The following RTN4 variants were observed in gnomAD, a reference collection of about 807,000 sequenced individuals.
RTN4 encodes the protein reticulon 4, also known as reticulon-4.
Under a neutral mutation model 90.4 loss-of-function variants are expected in RTN4, and 32 were observed. That is an observed-to-expected ratio of 0.35 (90% CI 0.27 to 0.48). The LOEUF (loss-of-function observed/expected upper bound fraction) is 0.48. Among genes scored for constraint, RTN4 ranks in the 20% least tolerant of loss-of-function variants. The pLI, the probability that RTN4 is intolerant of heterozygous loss-of-function variation, is 0.99. For synonymous variants in RTN4, 629 were observed against 552.5 expected (o/e 1.14, Z -1.94); for missense variants, 1,706 against 1,430.2 (o/e 1.19, Z -3.11).
At chr2:55,120,270 A>G in the RTN4 span, among the ~76,000 whole-genome samples, 1 of 152,182 alleles carries the variant, frequency 6.6e-6, no homozygotes. Flanking sequence ...TGCCCCCCTC[A>G]CTTTAGCTCT....
chr2:55,119,460 G>C, the RTN4 span, among the ~76,000 whole-genome samples: 4 of 152,334 alleles, frequency 2.6e-5, no homozygotes, highest in East Asian at 5.8e-4. Flanking sequence ...CAGAGAGCTC[G>C]TGTGATAGCT....
At chr2:55,077,448 T>C (rs1284294367) in intron 2 of RTN4, among the ~76,000 whole-genome samples, 1 of 151,898 alleles carries the variant, frequency 6.6e-6, no homozygotes. Context: ...ATGGCCATAA[T>C]CAAAAAATCA....
intron 2 of RTN4, among the ~76,000 whole-genome samples, chr2:55,057,687 G>T (rs1668213960): frequency 6.6e-6 from 1 of 152,118 alleles, no homozygotes; most frequent in South Asian, 2.1e-4. Context: ...AAGAGGATGG[G>T]TACTAAGAGT....
At chr2:54,988,268 G>A (rs539775358) in intron 3 of RTN4, among the ~76,000 whole-genome samples, 1 of 152,314 alleles carries the variant, frequency 6.6e-6, no homozygotes, top group South Asian at 2.1e-4. Context: ...AGTGAGCCGA[G>A]ACTGCACCTC....
At chr2:55,121,398 T>C in the RTN4 span, among the ~76,000 whole-genome samples, 2 of 152,214 alleles carry the variant, frequency 1.3e-5, no homozygotes, top group African/African-American at 2.4e-5. Flanking sequence ...AGAGATACTG[T>C]GAAGTTTGGG....
intron 3 of RTN4, 72 bp downstream of exon 3, chr2:55,025,014 C>G (rs139724620): frequency 6.7e-7 from 1 of 1,498,390 alleles, no homozygotes; most frequent in Non-Finnish European, 8.9e-7. Context: ...ATATAAAACA[C>G]AAAATGTAGT....
chr2:54,973,876 G>A lies in RTN4; in HGVS notation c.3431-9C>T, dbSNP rs745646538. The A allele has an allele frequency of 1.9e-6, 3 of 1,609,308 alleles. No homozygotes were observed. ...GAAGAGTGAAATGAGAGCTGAAAAGGGAAATATACAACTTTTCAAAAAGAA... is the reference window on the plus strand; with the variant it reads ...GAAGAGTGAAATGAGAGCTGAAAAGAGAAATATACAACTTTTCAAAAAGAA... On this transcript the variant is annotated splice_polypyrimidine_tract_variant and intron_variant, in intron 6 of 8. Coordinates refer to ENST00000337526, the MANE Select transcript of RTN4 (RefSeq NM_020532.5).
intron 3 of RTN4, among the ~76,000 whole-genome samples, chr2:54,993,066 T>TC (rs1458662787): frequency 9.6e-6 from 1 of 104,292 alleles, no homozygotes; most frequent in Non-Finnish European, 1.8e-5. Flanking sequence ...AGAGCGAGAC[T>TC]CCATCTCGGA....
intron 2 of RTN4, among the ~76,000 whole-genome samples, chr2:55,078,436 T>C (rs1284060657): frequency 6.6e-6 from 1 of 152,112 alleles, no homozygotes; most frequent in Non-Finnish European, 1.5e-5. Context: ...AATTGAATAG[T>C]ATAGATTTAG....
At chr2:55,126,365 G>A in the RTN4 span, among the ~76,000 whole-genome samples, 11 of 149,378 alleles carry the variant, frequency 7.4e-5, no homozygotes, top group African/African-American at 2.0e-4. Flanking sequence ...GCAAAACTCC[G>A]TCTCAAAAAG....
chr2:55,051,244 T>C (rs910880321), upstream of RTN4, among the ~76,000 whole-genome samples: 3 of 152,150 alleles, frequency 2.0e-5, no homozygotes, highest in African/African-American at 7.2e-5. Context: ...CCTTGCCTGC[T>C]GGACTCTTAC....
intron 1 of RTN4, among the ~76,000 whole-genome samples, chr2:55,103,948 G>A (rs1028228341): frequency 6.6e-6 from 1 of 152,006 alleles, no homozygotes; most frequent in African/African-American, 2.4e-5. Flanking sequence ...ACCAACCTCG[G>A]CCTCCCGAAG....
intron 3 of RTN4, among the ~76,000 whole-genome samples, chr2:55,022,195 G>A (rs956497811): frequency 6.6e-6 from 1 of 152,182 alleles, no homozygotes; most frequent in African/African-American, 2.4e-5. Context: ...TTGGGAGGAA[G>A]CACTAGCGGG....
chr2:55,033,608 C>T (rs907933122), intron 1 of RTN4, among the ~76,000 whole-genome samples: 2 of 152,120 alleles, frequency 1.3e-5, no homozygotes, highest in African/African-American at 2.4e-5. Flanking sequence ...GTGTTTTTAA[C>T]CACAAGAAGG....
At chr2:55,120,735 A>T in the RTN4 span, among the ~76,000 whole-genome samples, 5 of 152,142 alleles carry the variant, frequency 3.3e-5, no homozygotes, top group Non-Finnish European at 7.3e-5. Flanking sequence ...GGAAGGAGAC[A>T]TGCCATCTCC....
intron 3 of RTN4, among the ~76,000 whole-genome samples, chr2:55,001,941 T>G (rs1679877754): frequency 6.6e-6 from 1 of 152,170 alleles, no homozygotes; most frequent in Non-Finnish European, 1.5e-5. Flanking sequence ...TCTAAAACCT[T>G]ATGCACGGCT....
At chr2:55,059,363 T>C (rs1668248949) in intron 2 of RTN4, among the ~76,000 whole-genome samples, 1 of 152,086 alleles carries the variant, frequency 6.6e-6, no homozygotes, top group Admixed American at 6.5e-5. Context: ...ATTAATACTT[T>C]TTTTATTTTT....
chr2:54,987,352 G>A, intron 4 of RTN4, 139 bp downstream of exon 4: 1 of 674,232 alleles, frequency 1.5e-6, no homozygotes, highest in Non-Finnish European at 2.6e-6. Context: ...AGATGTTTTT[G>A]GTATAGCTCA....
At chr2:55,054,174 A>G (rs138135723), upstream of RTN4, among the ~76,000 whole-genome samples, 519 of 152,354 alleles carry the variant, frequency 3.4e-3, 2 homozygotes, top group African/African-American at 0.012. Flanking sequence ...AAATAGAAAG[A>G]TTGAATGTAA....
Sources: gnomAD v4.1 joint callset for allele counts (sites outside exome capture counted in the v4.1 genomes callset) on GRCh38, gnomAD v4.1.1 for gene constraint, MANE v1.5 for transcripts, NCBI Gene and HGNC (gene_info 2026-07-23, HGNC 2026-07-21) for gene names.